Variants in RADIL observed in about 807,000 individuals in gnomAD.
RADIL encodes the protein ras-associating and dilute domain-containing protein.
A neutral mutation model predicts 97.6 loss-of-function variants in RADIL; 99 were observed. The observed-to-expected ratio is 1.01, with a 90% CI of 0.86 to 1.20. The LOEUF is 1.20. Ranked by LOEUF, RADIL falls within the 50% of genes most tolerant of loss-of-function variation. The probability of loss-of-function intolerance (pLI) is 0.00; values close to 1 mark genes in which losing one functional copy is unlikely to be tolerated. For synonymous variants in RADIL, 803 were observed against 691.8 expected, an observed-to-expected ratio of 1.16 and a Z score of -2.52; for missense variants, 1,765 against 1,498.9, an observed-to-expected ratio of 1.18 and a Z score of -2.93.
In RADIL at chr7:4,854,643, G is replaced by A. The variant is rs1005744818; in HGVS notation, c.536-18038C>T. ...CGGGAGGCAAAGGTTGCAGTGAGCC[G>A]AGATGGCGCCACCGCACTCCACCCT... On this transcript the variant is annotated intron_variant, in intron 2 of 14. Coordinates refer to ENST00000399583, the MANE Select transcript of RADIL (RefSeq NM_018059.5). The surrounding 1 kb of genome is among the most constrained non-coding windows in gnomAD (Gnocchi z 5.1). 7.9e-5 allele frequency among the ~76,000 whole-genome samples: 12 copies of A among 152,080 alleles called. No individual in the cohort carries two copies. The South Asian group carries it at 1.7e-3, about 21-fold the overall frequency.
chr7:4,799,341 C>G lies in RADIL; in HGVS notation c.*37G>C, dbSNP rs372420240. 5.6e-6 allele frequency: 9 copies of G among 1,599,310 alleles called. No homozygotes were observed. The East Asian group carries it at 1.1e-4, about 20-fold the overall frequency. The stretch of plus-strand genomic sequence containing the variant: ...GAAGCCCAGTGTCACCAGGTGGGAC[C>G]GGGTGCCGGGCCTGTGGGGGTGTCC... On this transcript the variant is annotated 3_prime_UTR_variant, in exon 15 of 15. Coordinates refer to ENST00000399583, the MANE Select transcript of RADIL (RefSeq NM_018059.5).
Position 4,798,986 on chromosome 7 carries a change from T to G in RADIL, c.*392A>C. On this transcript the variant is annotated 3_prime_UTR_variant, in exon 15 of 15. Coordinates refer to ENST00000399583, the MANE Select transcript of RADIL (RefSeq NM_018059.5). ...AGAGTCAGTTCAGATGATCCCCTGA[T>G]GACAGCTGTCACTGCATTCTCCCGT... 4.4e-6 allele frequency: 1 copy of G among 229,450 alleles called. No individual in the cohort carries two copies. The highest frequency in any genetic ancestry group is 8.8e-6 in the Non-Finnish European group (1 of 113,014). 14.2% of individuals were successfully genotyped at this position (229,450 alleles called of 1,614,324 possible). A position where few individuals can be genotyped will look rare whatever the true frequency, so the allele number is the denominator to read the frequency against.
At chr7:4,838,316 A>G (rs1393390364) in intron 2 of RADIL, among the ~76,000 whole-genome samples, 2 of 152,112 alleles carry the variant, frequency 1.3e-5, no homozygotes, top group East Asian at 1.9e-4. Flanking sequence ...ACAGCTCCAA[A>G]TGATGCTCCG....
chr7:4,805,402 G>T, intron 10 of RADIL, 164 bp downstream of exon 10: 1 of 760,602 alleles, frequency 1.3e-6, no homozygotes, highest in Middle Eastern at 4.3e-4. Flanking sequence ...TTGGGGATGG[G>T]GCGGGGCGGG....
In RADIL at chr7:4,803,729, G is replaced by A. The variant is rs754445414; in HGVS notation, c.2316C>T (p.Asn772=). 25 of 1,566,088 alleles carry A rather than the reference G, an allele frequency of 1.6e-5. No homozygotes were observed. The highest frequency in any genetic ancestry group is 1.7e-4 in the Middle Eastern group (1 of 6,020). Reference sequence around the variant, plus strand: ...CGCTGGGCAGGACGATGGGTGGGGGGTTTTCGTAGGACTCCAGAACATCCT... The same window carrying A: ...CGCTGGGCAGGACGATGGGTGGGGGATTTTCGTAGGACTCCAGAACATCCT... The part of the protein sequence containing the change: ...RSEDVLESYE[N]PPPIVLPSDG... The change falls in exon 11 of 15, where the codon AAC becomes AAT. Residue 772 remains asparagine, a synonymous_variant. Transcript: ENST00000399583.
chr7:4,863,289 C>T (rs1052062454), intron 2 of RADIL, among the ~76,000 whole-genome samples: 6 of 152,188 alleles, frequency 3.9e-5, no homozygotes, highest in African/African-American at 1.2e-4. Flanking sequence ...TTTCCCCCTA[C>T]CTTTTATTTC....
At chr7:4,863,432 T>TG (rs1784066695) in intron 2 of RADIL, among the ~76,000 whole-genome samples, 1 of 152,226 alleles carries the variant, frequency 6.6e-6, no homozygotes, top group Admixed American at 6.5e-5. Flanking sequence ...CTTGTAATTT[T>TG]GGATTGTGAG....
In RADIL at chr7:4,881,292, G is replaced by A. The variant is rs552334017; in HGVS notation, c.-65+2304C>T. ...TAGCCAGGCGTGGTGGTGGGCACCT[G>A]TAGTCCCAGCTACTCGGGAGGCTGA... On this transcript the variant is annotated intron_variant, in intron 1 of 14. Coordinates refer to ENST00000399583, the MANE Select transcript of RADIL (RefSeq NM_018059.5). Among the ~76,000 whole-genome samples the A allele has an allele frequency of 6.3e-4, 95 of 151,080 alleles. 1 individual carries two copies. The highest frequency in any genetic ancestry group is 2.2e-3 in the African/African-American group (90 of 41,074).
At chr7:4,841,487 G>C (rs1196744461) in intron 2 of RADIL, among the ~76,000 whole-genome samples, 3 of 152,242 alleles carry the variant, frequency 2.0e-5, no homozygotes, top group Non-Finnish European at 2.9e-5. Context: ...GGAGCATCCA[G>C]TTTGATCTAG....
chr7:4,818,058 C>G lies in RADIL; in HGVS notation c.1616-707G>C, dbSNP rs1782725023. Among the ~76,000 whole-genome samples the G allele has an allele frequency of 2.0e-5, 3 of 152,240 alleles. No homozygotes were observed. Among genetic ancestry groups the G allele is most frequent in the African/African-American group, 7.2e-5 (3 of 41,472 alleles). On this transcript the variant is annotated intron_variant, in intron 6 of 14. Coordinates refer to ENST00000399583, the MANE Select transcript of RADIL (RefSeq NM_018059.5). This position sits in a 1 kb window ranked among gnomAD's most constrained non-coding sequence, Gnocchi z 7.1. ...ACCCTGGGTGTTCCGCCTTTGGGCGCCTTCATTCTCTCCTGGGACTGTGGG... is the reference window on the plus strand; with the variant it reads ...ACCCTGGGTGTTCCGCCTTTGGGCGGCTTCATTCTCTCCTGGGACTGTGGG...
At chr7:4,861,844 C>A in intron 2 of RADIL, 4 of 1,394,992 alleles carry the variant, frequency 2.9e-6, no homozygotes, top group Non-Finnish European at 3.7e-6. Flanking sequence ...GCACGTCCCC[C>A]ACCACCGCGA....
chr7:4,809,251 CCAAGCTGGGCGAGAGGCCGG>C, intron 9 of RADIL: 2 of 985,370 alleles, frequency 2.0e-6, no homozygotes, highest in Non-Finnish European at 2.4e-6. Context: ...GGCCTGGCCG[CCAAGCTGGGCGAGAGGCCGG>C]GGCCCCCCTT....
chr7:4,861,855 C>T lies in RADIL; in HGVS notation c.535+15750G>A, dbSNP rs917488502. On this transcript the variant is annotated intron_variant, in intron 2 of 14. Transcript: ENST00000399583. ...CAGGGCACGTCCCCCACCACCGCGA[C>T]CTTCGCGGCCGCCGCCCGGGTCATG... 1.5e-5 allele frequency: 20 copies of T among 1,310,686 alleles called. No homozygotes were observed. In the Admixed American group the frequency reaches 2.7e-4, roughly 18 times the overall value. The allele number at this position is 1,310,686 out of a possible 1,614,324, so 81.2% of individuals were successfully genotyped here. A position where few individuals can be genotyped will look rare whatever the true frequency, so the allele number is the denominator to read the frequency against.
rs557660187 is a variant in RADIL, at chr7:4,878,493, T to C, written c.-64-290A>G. On this transcript the variant is annotated intron_variant, in intron 1 of 14. Coordinates refer to ENST00000399583, the MANE Select transcript of RADIL (RefSeq NM_018059.5). This position sits in a 1 kb window ranked among gnomAD's most constrained non-coding sequence, Gnocchi z 4.1. Reference sequence around the variant, plus strand: ...AGTTCAAGATTGCAGTGAGCTATGATAGTGCCACGGCCCTCCAGCCCGGGC... The same window carrying C: ...AGTTCAAGATTGCAGTGAGCTATGACAGTGCCACGGCCCTCCAGCCCGGGC... 1.1e-4 allele frequency among the ~76,000 whole-genome samples: 16 copies of C among 152,274 alleles called. No individual in the cohort carries two copies. In the South Asian group the frequency reaches 2.1e-3, roughly 20 times the overall value.
chr7:4,802,224 C>G (rs980413757), intron 11 of RADIL, among the ~76,000 whole-genome samples: 1 of 152,228 alleles, frequency 6.6e-6, no homozygotes, highest in Non-Finnish European at 1.5e-5. Flanking sequence ...AGAGCTCCCG[C>G]CTGCTGCCCC....
intron 5 of RADIL, among the ~76,000 whole-genome samples, chr7:4,825,733 G>A (rs1782955740): frequency 6.6e-6 from 1 of 151,872 alleles, no homozygotes; most frequent in Admixed American, 6.6e-5. Flanking sequence ...AAAATTAGCT[G>A]GGCGTGGTGG....
rs1303784890 is a variant in RADIL, at chr7:4,841,046, C to T, written c.536-4441G>A. Among the ~76,000 whole-genome samples, 11 of 152,356 alleles carry T rather than the reference C, an allele frequency of 7.2e-5. No homozygotes were observed. The South Asian group carries it at 8.3e-4, about 11-fold the overall frequency. ...ATTCTAATAAAGCAAAATGGCAGGA[C>T]GGCCGCAGCCTTTCATAACAGTAAT... On this transcript the variant is annotated intron_variant, in intron 2 of 14. Transcript: ENST00000399583.
intron 2 of RADIL, among the ~76,000 whole-genome samples, chr7:4,847,920 G>A (rs1046566194): frequency 2.6e-5 from 4 of 152,160 alleles, no homozygotes; most frequent in African/African-American, 9.7e-5. Flanking sequence ...TGCCGGCCGG[G>A]TGCAGTGGCT....
rs558598896 is a variant in RADIL at position 4,880,147 on chromosome 7, C to T, written c.-64-1944G>A. 1.4e-4 allele frequency among the ~76,000 whole-genome samples: 22 copies of T among 152,246 alleles called. No homozygotes were observed. Among genetic ancestry groups the T allele is most frequent in the African/African-American group, 4.3e-4 (18 of 41,556 alleles). On this transcript the variant is annotated intron_variant, in intron 1 of 14. Transcript: ENST00000399583. This position sits in a 1 kb window ranked among gnomAD's most constrained non-coding sequence, Gnocchi z 4.5. ...GAGGTGAATTTGCTGTAACAGGTCA[C>T]GGAGTTCCCAGTACAGGTCATAAGC...
Sources: gnomAD v4.1 joint callset for allele counts (sites outside exome capture counted in the v4.1 genomes callset) on GRCh38, gnomAD v4.1.1 for gene constraint, Gnocchi (gnomAD v3.1) non-coding constraint, MANE v1.5 for transcripts, NCBI Gene and HGNC (gene_info 2026-07-23, HGNC 2026-07-21) for gene names.